PTGES3: variants seen among roughly 807,000 people sequenced by gnomAD.
PTGES3 encodes the protein prostaglandin E synthase 3, also known as Hsp90 co-chaperone.
A neutral mutation model predicts 29.9 loss-of-function variants in PTGES3; 5 were observed. That is an observed-to-expected ratio of 0.17 (90% CI 0.09 to 0.35). PTGES3 has a LOEUF of 0.35. Ranked by LOEUF, PTGES3 falls within the 10% of genes least tolerant of loss-of-function variation. The pLI is 1.00. For missense variants in PTGES3, 128 were observed against 190.0 expected, an observed-to-expected ratio of 0.67 and a Z score of 1.92; for synonymous variants, 49 against 57.8, an observed-to-expected ratio of 0.85 and a Z score of 0.69.
intron 1 of PTGES3, chr12:56,687,306 CG>C: frequency 8.1e-6 from 8 of 990,548 alleles, no homozygotes; most frequent in Middle Eastern, 5.1e-4. Flanking sequence ...TCGACACGTG[CG>C]GAACTACCTG....
intron 1 of PTGES3, among the ~76,000 whole-genome samples, chr12:56,684,188 C>T (rs1952718718): frequency 1.3e-5 from 2 of 152,022 alleles, no homozygotes; most frequent in African/African-American, 4.8e-5. Context: ...CAATCGCTAA[C>T]CACAAGACCC....
At chr12:56,682,510 G>T (rs1176710741) in intron 1 of PTGES3, among the ~76,000 whole-genome samples, 3 of 151,896 alleles carry the variant, frequency 2.0e-5, no homozygotes, top group Non-Finnish European at 4.4e-5. Context: ...AGACAGTGAT[G>T]ACACCACTGC....
chr12:56,673,075 G>C lies in PTGES3; in HGVS notation c.3-10C>G. 6.4e-7 allele frequency: 1 copy of C among 1,565,848 alleles called. No homozygotes were observed. The highest frequency in any genetic ancestry group is 1.2e-5 in the South Asian group (1 of 84,868). On this transcript the variant is annotated splice_polypyrimidine_tract_variant and intron_variant, in intron 1 of 7. Coordinates refer to ENST00000262033, the MANE Select transcript of PTGES3 (RefSeq NM_006601.7). The stretch of plus-strand genomic sequence containing the variant: ...TGCAGAAGCAGGCTGCCTACAAAAG[G>C]ATAAAGTAGGGAAAGTCAAGCTGGA...
chr12:56,676,586 TA>T (rs1163052357), intron 1 of PTGES3, among the ~76,000 whole-genome samples: 5 of 151,906 alleles, frequency 3.3e-5, no homozygotes, highest in African/African-American at 7.3e-5. Flanking sequence ...GTAATTTTTT[TA>T]AAAAAAGAGT....
intron 1 of PTGES3, among the ~76,000 whole-genome samples, chr12:56,686,387 T>C (rs1344050522): frequency 8.1e-6 from 1 of 124,092 alleles, no homozygotes; most frequent in Non-Finnish European, 1.8e-5. Context: ...TATTTATTTA[T>C]TTTGAGACGG....
chr12:56,682,444 C>G (rs1279826822), intron 1 of PTGES3, among the ~76,000 whole-genome samples: 2 of 152,004 alleles, frequency 1.3e-5, no homozygotes, highest in African/African-American at 4.8e-5. Flanking sequence ...CACCTGTAGT[C>G]CCAACTACTG....
At position 56,688,195 on chromosome 12, in the gene PTGES3, C is replaced by A. The variant is rs1408026361; in HGVS notation, c.-196G>T. The stretch of plus-strand genomic sequence containing the variant: ...AGAATGCACCGCGCGGAAAGAGCGG[C>A]TCCTCCGGTCGGGGAGAAGAGGAAA... On this transcript the variant is annotated 5_prime_UTR_variant, in exon 1 of 8. Coordinates refer to ENST00000262033, the MANE Select transcript of PTGES3 (RefSeq NM_006601.7). 1.0e-6 allele frequency: 1 copy of A among 988,038 alleles called. No individual in the cohort carries two copies. Among genetic ancestry groups the A allele is most frequent in the Non-Finnish European group, 1.4e-6 (1 of 725,794 alleles). The allele number at this position is 988,038 out of a possible 1,614,324, so 61.2% of individuals were successfully genotyped here.
chr12:56,664,658 T>C, intron 7 of PTGES3, 118 bp downstream of exon 7: 1 of 1,408,008 alleles, frequency 7.1e-7, no homozygotes, highest in Non-Finnish European at 9.7e-7. Context: ...CTTTGGTTAT[T>C]TATTCAAGGT....
At chr12:56,684,339 AC>A (rs1027512143) in intron 1 of PTGES3, among the ~76,000 whole-genome samples, 1 of 152,192 alleles carries the variant, frequency 6.6e-6, no homozygotes, top group African/African-American at 2.4e-5. Flanking sequence ...GTCTAACTGA[AC>A]ACAGGAAGAA....
chr12:56,686,368 A>G (rs1952851392), intron 1 of PTGES3, among the ~76,000 whole-genome samples: 1 of 94,768 alleles, frequency 1.1e-5, no homozygotes, highest in Non-Finnish European at 2.4e-5. Context: ...TTTTATATAC[A>G]TTCAAATTTA....
At chr12:56,673,979 A>G (rs1283503952) in intron 1 of PTGES3, among the ~76,000 whole-genome samples, 1 of 151,906 alleles carries the variant, frequency 6.6e-6, no homozygotes, top group Non-Finnish European at 1.5e-5. Flanking sequence ...AAACAACAAC[A>G]ACAAAAAACA....
At position 56,688,098 on chromosome 12, in the gene PTGES3, T is replaced by C. The variant is rs1183016693; in HGVS notation, c.-99A>G. On this transcript the variant is annotated 5_prime_UTR_variant, in exon 1 of 8. Transcript: ENST00000262033. ...TTCTCTCCGGTGGCGACTCCGCTTT[T>C]TCTCTCCGGTCGCGGCCTCTTCTCG... 3 of 1,433,340 alleles carry C rather than the reference T, an allele frequency of 2.1e-6. No individual in the cohort carries two copies. Among genetic ancestry groups the C allele is most frequent in the Non-Finnish European group, 2.7e-6 (3 of 1,093,982 alleles). 88.8% of individuals were successfully genotyped at this position (1,433,340 alleles called of 1,614,324 possible). A position where few individuals can be genotyped will look rare whatever the true frequency, so the allele number is the denominator to read the frequency against.
intron 1 of PTGES3, among the ~76,000 whole-genome samples, chr12:56,675,934 CAA>C (rs1565868932): frequency 6.6e-6 from 1 of 151,682 alleles, no homozygotes; most frequent in Non-Finnish European, 1.5e-5. Flanking sequence ...AAACACAACA[CAA>C]AAACTGCAGA....
chr12:56,687,969 AC>A, intron 1 of PTGES3, 28 bp downstream of exon 1: 2 of 1,602,190 alleles, frequency 1.2e-6, no homozygotes, highest in Non-Finnish European at 1.7e-6. Flanking sequence ...TCACTCGGCG[AC>A]CTTCCCTCGG....
intron 1 of PTGES3, among the ~76,000 whole-genome samples, chr12:56,683,605 G>A (rs2137720835): frequency 6.6e-6 from 1 of 151,170 alleles, no homozygotes; most frequent in South Asian, 2.1e-4. Flanking sequence ...AGCCGAGATC[G>A]CACCAGTTCA....
intron 3 of PTGES3, among the ~76,000 whole-genome samples, chr12:56,672,276 G>C (rs539781042): frequency 6.6e-6 from 1 of 152,306 alleles, no homozygotes; most frequent in East Asian, 1.9e-4. Flanking sequence ...GGCCGAGGCA[G>C]GTGGAACACC....
intron 1 of PTGES3, among the ~76,000 whole-genome samples, chr12:56,685,403 T>TC (rs1432468080): frequency 9.4e-3 from 194 of 20,590 alleles, no homozygotes; most frequent in East Asian, 0.029. Flanking sequence ...TCTTTTCTTT[T>TC]TTTTTTTTTT....
At chr12:56,685,420 T>C in intron 1 of PTGES3, among the ~76,000 whole-genome samples, 3 of 121,088 alleles carry the variant, frequency 2.5e-5, no homozygotes, top group Middle Eastern at 8.3e-3. Context: ...TTTTTTTTTT[T>C]AAGACAGTCT....
At chr12:56,674,420 G>A (rs574039064) in intron 1 of PTGES3, among the ~76,000 whole-genome samples, 115 of 152,204 alleles carry the variant, frequency 7.6e-4, no homozygotes, top group African/African-American at 2.6e-3. Context: ...GGCCAGGCGC[G>A]GTGGCTCACG....
Sources: allele counts gnomAD v4.1 joint callset (sites outside exome capture counted in the v4.1 genomes callset), GRCh38; gene constraint gnomAD v4.1.1; transcripts MANE v1.5; gene names NCBI Gene and HGNC (gene_info 2026-07-23, HGNC 2026-07-21).